Variants in C1orf21 observed in about 807,000 individuals in gnomAD.
The protein encoded by C1orf21 is chromosome 1 open reading frame 21.
A neutral mutation model predicts 18.7 loss-of-function variants in C1orf21; 3 were observed. The ratio of observed to expected loss-of-function variants is 0.16; its 90% CI spans 0.07 to 0.42. The LOEUF is 0.42. Among genes scored for constraint, C1orf21 ranks in the 10% least tolerant of loss-of-function variants. The pLI is 0.99. For synonymous variants in C1orf21, 41 were observed against 46.4 expected (o/e 0.88, Z 0.47); for missense variants, 104 against 143.6 (o/e 0.72, Z 1.41).
chr1:184,472,130 T>TTA (rs1274388135), intron 1 of C1orf21, among the ~76,000 whole-genome samples: 3 of 151,904 alleles, frequency 2.0e-5, no homozygotes, highest in South Asian at 2.1e-4. Context: ...GATTAGTTAT[T>TTA]TATATATATA....
chr1:184,481,870 G>C (rs1226516811), intron 2 of C1orf21, among the ~76,000 whole-genome samples: 1 of 152,186 alleles, frequency 6.6e-6, no homozygotes, highest in Admixed American at 6.5e-5. Context: ...TGTCAAGACA[G>C]TTCCAGTACC....
intron 3 of C1orf21, among the ~76,000 whole-genome samples, chr1:184,557,001 T>G (rs1658888165): frequency 6.6e-6 from 1 of 152,214 alleles, no homozygotes; most frequent in South Asian, 2.1e-4. Context: ...TTTATCTTGC[T>G]CCAAACAATA....
At chr1:184,547,950 G>C (rs1178389517) in intron 3 of C1orf21, among the ~76,000 whole-genome samples, 2 of 152,104 alleles carry the variant, frequency 1.3e-5, no homozygotes, top group African/African-American at 4.8e-5. Flanking sequence ...TATGGCCACG[G>C]TGGCACTGGC....
rs71297843 is a variant in C1orf21 at position 184,410,663 on chromosome 1, A to ATTTTTTTTTT, written c.-125+23304_-125+23313dup. Among the ~76,000 whole-genome samples, 5 of 7,678 alleles carry ATTTTTTTTTT rather than the reference A, an allele frequency of 6.5e-4. 1 individual carries two copies. The highest frequency in any genetic ancestry group is 2.3e-3 in the Admixed American group (2 of 872). The allele number at this position is 7,678 out of a possible 152,430, so 5.0% of individuals were successfully genotyped here. Reference sequence around the variant, plus strand: ...TATATATATATATATATATATATATATTTTTTTTTTTTTTTTTTGAGATGG... The same window carrying ATTTTTTTTTT: ...TATATATATATATATATATATATATATTTTTTTTTTTTTTTTTTTTTTTTTTTTGAGATGG... On this transcript the variant is annotated intron_variant, in intron 1 of 5. Coordinates refer to ENST00000235307, the MANE Select transcript of C1orf21 (RefSeq NM_030806.4).
intron 3 of C1orf21, among the ~76,000 whole-genome samples, chr1:184,521,968 G>A (rs539474801): frequency 3.9e-5 from 6 of 152,210 alleles, no homozygotes; most frequent in Admixed American, 2.0e-4. Flanking sequence ...TTACTATGGA[G>A]GTAATAATTA....
chr1:184,571,163 G>A (rs1659105475), intron 3 of C1orf21, among the ~76,000 whole-genome samples: 1 of 151,128 alleles, frequency 6.6e-6, no homozygotes, highest in Non-Finnish European at 1.5e-5. Flanking sequence ...CGGGCGTAGT[G>A]GCGGGCGCCT....
At chr1:184,430,186 G>A (rs1571354021) in intron 1 of C1orf21, among the ~76,000 whole-genome samples, 1 of 149,170 alleles carries the variant, frequency 6.7e-6, no homozygotes. Flanking sequence ...TTTTTTTTAA[G>A]CTAAACCTGG....
intron 4 of C1orf21, among the ~76,000 whole-genome samples, chr1:184,594,035 C>T (rs12032371): frequency 0.16 from 25,088 of 152,168 alleles, 2,414 homozygotes; most frequent in East Asian, 0.31. Flanking sequence ...CAGATGGGAA[C>T]TCACATGGAG....
intron 1 of C1orf21, among the ~76,000 whole-genome samples, chr1:184,420,422 T>G (rs574087198): frequency 6.6e-6 from 1 of 152,326 alleles, no homozygotes; most frequent in Non-Finnish European, 1.5e-5. Flanking sequence ...TCTGGTTAGC[T>G]ATAAAGTTCA....
intron 3 of C1orf21, among the ~76,000 whole-genome samples, chr1:184,528,317 AT>A (rs1658407817): frequency 6.6e-6 from 1 of 152,130 alleles, no homozygotes; most frequent in Admixed American, 6.6e-5. Context: ...CACATTTTTC[AT>A]TTTTGTGAGA....
At chr1:184,566,717 ACC>A in intron 3 of C1orf21, 1 of 381,706 alleles carries the variant, frequency 2.6e-6, no homozygotes, top group Non-Finnish European at 5.3e-6. Context: ...GTCAGAAGAA[ACC>A]AAGCCATCTG....
At chr1:184,462,259 G>C (rs536934987) in intron 1 of C1orf21, among the ~76,000 whole-genome samples, 2 of 152,230 alleles carry the variant, frequency 1.3e-5, no homozygotes, top group Non-Finnish European at 2.9e-5. Context: ...TTAGTTGTTA[G>C]AGGGTTAAAG....
chr1:184,499,790 A>G (rs1657945850), intron 2 of C1orf21, among the ~76,000 whole-genome samples: 1 of 152,200 alleles, frequency 6.6e-6, no homozygotes, highest in Non-Finnish European at 1.5e-5. Context: ...CTGCAACTGT[A>G]AAAGAGAGTC....
intron 3 of C1orf21, among the ~76,000 whole-genome samples, chr1:184,583,826 T>A (rs991713555): frequency 6.6e-6 from 1 of 152,124 alleles, no homozygotes; most frequent in Non-Finnish European, 1.5e-5. Context: ...GTCAAAAGCC[T>A]TTATCTTAGT....
intron 3 of C1orf21, among the ~76,000 whole-genome samples, chr1:184,580,402 A>G (rs1483919066): frequency 6.6e-6 from 1 of 152,212 alleles, no homozygotes; most frequent in African/African-American, 2.4e-5. Context: ...AAGTCTACTG[A>G]ACTTGAATTT....
chr1:184,486,193 TG>T (rs1657730381), intron 2 of C1orf21, among the ~76,000 whole-genome samples: 1 of 152,188 alleles, frequency 6.6e-6, no homozygotes, highest in Admixed American at 6.5e-5. Flanking sequence ...GCTCAAAATA[TG>T]TTAGTTTTAT....
At chr1:184,496,509 A>G (rs1433114078) in intron 2 of C1orf21, among the ~76,000 whole-genome samples, 1 of 152,238 alleles carries the variant, frequency 6.6e-6, no homozygotes, top group Non-Finnish European at 1.5e-5. Context: ...CACTGGCTTG[A>G]TCAGGTGAAA....
At chr1:184,518,668 A>G (rs1258612642) in intron 3 of C1orf21, among the ~76,000 whole-genome samples, 1 of 152,136 alleles carries the variant, frequency 6.6e-6, no homozygotes, top group Non-Finnish European at 1.5e-5. Flanking sequence ...ATTCAGGTGA[A>G]CACAGTGTTA....
intron 1 of C1orf21, among the ~76,000 whole-genome samples, chr1:184,463,513 G>C (rs1276743728): frequency 6.6e-6 from 1 of 152,030 alleles, no homozygotes; most frequent in Non-Finnish European, 1.5e-5. Flanking sequence ...AATTTCCGTA[G>C]GTTTCTCATC....
Sources: allele counts gnomAD v4.1 joint callset (sites outside exome capture counted in the v4.1 genomes callset), GRCh38; gene constraint gnomAD v4.1.1; transcripts MANE v1.5; gene names NCBI Gene and HGNC (gene_info 2026-07-23, HGNC 2026-07-21).